The following TTC27 variants were observed in gnomAD, a reference collection of about 807,000 sequenced individuals.
TTC27 encodes tetratricopeptide repeat domain 27, also known as tetratricopeptide repeat protein 27.
A neutral mutation model predicts 115.9 loss-of-function variants in TTC27; 79 were observed. The ratio of observed to expected loss-of-function variants is 0.68; its 90% CI spans 0.57 to 0.82. The LOEUF (loss-of-function observed/expected upper bound fraction) is 0.82, where lower values mean the gene tolerates loss of function less well. Ranked by LOEUF, TTC27 falls within the 40% of genes least tolerant of loss-of-function variation. The pLI, the probability that TTC27 is intolerant of heterozygous loss-of-function variation, is 0.00. For synonymous variants in TTC27, 401 were observed against 356.0 expected (o/e 1.13, Z -1.42); for missense variants, 1,054 against 993.1 (o/e 1.06, Z -0.82).
intron 16 of TTC27, among the ~76,000 whole-genome samples, chr2:32,807,780 T>C (rs927962118): frequency 1.3e-5 from 2 of 152,166 alleles, no homozygotes; most frequent in African/African-American, 4.8e-5. Flanking sequence ...CCCTTAATGA[T>C]TGCCAAATCC....
In TTC27 at chr2:32,636,846, A is replaced by G. The variant is rs563886151; in HGVS notation, c.396+2841A>G. On this transcript the variant is annotated intron_variant, in intron 3 of 19. Coordinates refer to ENST00000317907, the MANE Select transcript of TTC27 (RefSeq NM_017735.5). The stretch of plus-strand genomic sequence containing the variant: ...TGGACCTTGAGCTAGAACCTGAAGG[A>G]TGGTTAGAAAATGGATAGAGAAGAG... 2.6e-5 allele frequency among the ~76,000 whole-genome samples: 4 copies of G among 152,312 alleles called. No individual in the cohort carries two copies. In the East Asian group the frequency reaches 7.7e-4, roughly 29 times the overall value.
chr2:32,694,148 A>G (rs1200532745), intron 9 of TTC27, among the ~76,000 whole-genome samples: 2 of 152,202 alleles, frequency 1.3e-5, no homozygotes, highest in African/African-American at 4.8e-5. Context: ...CTGTTCAGAA[A>G]TTTTCTTAGC....
At chr2:32,743,990 A>C (rs572784400) in intron 12 of TTC27, among the ~76,000 whole-genome samples, 1 of 152,336 alleles carries the variant, frequency 6.6e-6, no homozygotes, top group South Asian at 2.1e-4. Flanking sequence ...AGTTGAGTTC[A>C]TCCAATGTTT....
At chr2:32,731,609 GC>G (rs1359909604) in intron 10 of TTC27, among the ~76,000 whole-genome samples, 5 of 152,112 alleles carry the variant, frequency 3.3e-5, no homozygotes, top group African/African-American at 1.2e-4. Flanking sequence ...GAACTCCAGG[GC>G]TCAAGTGATC....
At chr2:32,723,476 C>G (rs1447712642) in intron 10 of TTC27, among the ~76,000 whole-genome samples, 1 of 152,010 alleles carries the variant, frequency 6.6e-6, no homozygotes, top group Non-Finnish European at 1.5e-5. Context: ...TCTCTCTCCC[C>G]AGGTACACAT....
chr2:32,696,535 C>T (rs1666995195), intron 9 of TTC27, among the ~76,000 whole-genome samples: 1 of 151,950 alleles, frequency 6.6e-6, no homozygotes, highest in Admixed American at 6.6e-5. Context: ...CTTAAGTGTT[C>T]CACCTGCCTC....
intron 16 of TTC27, among the ~76,000 whole-genome samples, chr2:32,793,209 A>T (rs1335757387): frequency 1.3e-5 from 2 of 152,218 alleles, no homozygotes; most frequent in African/African-American, 2.4e-5. Flanking sequence ...GATTTCTCAT[A>T]ATAAACTTTG....
chr2:32,730,389 G>A (rs988500425), intron 10 of TTC27, among the ~76,000 whole-genome samples: 6 of 152,078 alleles, frequency 3.9e-5, no homozygotes, highest in African/African-American at 1.2e-4. Context: ...TTCACTTGCC[G>A]TCACTGATTT....
chr2:32,741,658 C>A (rs4952269), intron 12 of TTC27, among the ~76,000 whole-genome samples: 6 of 60,046 alleles, frequency 1.0e-4, no homozygotes, highest in Admixed American at 4.6e-4. Context: ...ATAAAAAAAA[C>A]AAAAAACAAA....
intron 7 of TTC27, among the ~76,000 whole-genome samples, chr2:32,671,689 A>G (rs1011648134): frequency 1.3e-5 from 2 of 152,166 alleles, no homozygotes; most frequent in African/African-American, 2.4e-5. Flanking sequence ...TTTCCATATA[A>G]ATTTTAGAAT....
chr2:32,785,730 G>C (rs1670326310), intron 15 of TTC27, among the ~76,000 whole-genome samples: 1 of 152,118 alleles, frequency 6.6e-6, no homozygotes, highest in Admixed American at 6.5e-5. Context: ...CAAGTAGCTG[G>C]GACTACAGGC....
At chr2:32,742,238 C>G (rs566289781) in intron 12 of TTC27, among the ~76,000 whole-genome samples, 19 of 152,284 alleles carry the variant, frequency 1.2e-4, no homozygotes, top group African/African-American at 4.3e-4. Context: ...TTGTTAATCC[C>G]TTAAAAATTG....
chr2:32,672,399 G>T lies in TTC27; in HGVS notation c.1052+15G>T. Reference sequence around the variant, plus strand: ...CTTGGAATCTGGTGAGTTAATGACTGACTTGGCTGCTTTGAACACTTTGCA... The same window carrying T: ...CTTGGAATCTGGTGAGTTAATGACTTACTTGGCTGCTTTGAACACTTTGCA... On this transcript the variant is annotated intron_variant, in intron 8 of 19. Coordinates refer to ENST00000317907, the MANE Select transcript of TTC27 (RefSeq NM_017735.5). The T allele has an allele frequency of 6.3e-7, 1 of 1,583,714 alleles. No individual in the cohort carries two copies. The highest frequency in any genetic ancestry group is 1.1e-5 in the South Asian group (1 of 89,938).
At chr2:32,751,571 A>G (rs868242260) in intron 12 of TTC27, among the ~76,000 whole-genome samples, 29 of 152,148 alleles carry the variant, frequency 1.9e-4, no homozygotes, top group African/African-American at 6.3e-4. Context: ...TGGGCCTACC[A>G]TGGGATGGAC....
At chr2:32,702,681 G>C (rs773783083) in intron 9 of TTC27, 126 bp from the exon 10 acceptor site, 81 of 627,488 alleles carry the variant, frequency 1.3e-4, no homozygotes, top group Non-Finnish European at 1.9e-4. Flanking sequence ...TTTGTTAACT[G>C]GGAAGATTTT....
intron 12 of TTC27, among the ~76,000 whole-genome samples, chr2:32,750,250 G>T (rs143163634): frequency 2.4e-4 from 36 of 152,318 alleles, no homozygotes; most frequent in African/African-American, 8.2e-4. Flanking sequence ...AGTCCACACA[G>T]CAAATGTCTC....
intron 9 of TTC27, among the ~76,000 whole-genome samples, chr2:32,687,601 A>T (rs886110191): frequency 3.3e-5 from 5 of 152,230 alleles, no homozygotes; most frequent in African/African-American, 1.2e-4. Context: ...TTGATAATAA[A>T]TGAATGGAAA....
intron 13 of TTC27, among the ~76,000 whole-genome samples, chr2:32,763,032 G>C (rs1669501963): frequency 6.6e-6 from 1 of 152,188 alleles, no homozygotes; most frequent in Non-Finnish European, 1.5e-5. Context: ...GGGAGAACTT[G>C]ACAGGGCTTG....
chr2:32,643,777 G>A (rs1004558025), intron 4 of TTC27, among the ~76,000 whole-genome samples: 54 of 151,848 alleles, frequency 3.6e-4, no homozygotes, highest in African/African-American at 1.3e-3. Flanking sequence ...GCTCTCGCCT[G>A]TAATACCAGC....
Sources: allele counts gnomAD v4.1 joint callset (sites outside exome capture counted in the v4.1 genomes callset), GRCh38; gene constraint gnomAD v4.1.1; transcripts MANE v1.5; gene names NCBI Gene and HGNC (gene_info 2026-07-23, HGNC 2026-07-21).